The following ROBO2 variants were observed in gnomAD, a reference collection of about 807,000 sequenced individuals.
ROBO2 encodes the protein roundabout homolog 2.
A neutral mutation model predicts 160.8 loss-of-function variants in ROBO2; 53 were observed. That is an observed-to-expected ratio of 0.33 (90% confidence interval 0.26 to 0.41). The LOEUF is 0.41. Ranked by LOEUF, ROBO2 falls within the 10% of genes least tolerant of loss-of-function variation. The probability of loss-of-function intolerance (pLI) is 1.00; values close to 1 mark genes in which losing one functional copy is unlikely to be tolerated. For synonymous variants in ROBO2, 664 were observed against 611.7 expected (o/e 1.09, Z -1.26); for missense variants, 1,577 against 1,722.4 (o/e 0.92, Z 1.49).
At chr3:76,906,543 A>G (rs746623758) in intron 2 of ROBO2, among the ~76,000 whole-genome samples, 11 of 151,236 alleles carry the variant, frequency 7.3e-5, no homozygotes, top group Non-Finnish European at 1.6e-4. Context: ...CATAGTATGT[A>G]ATATATATAT....
intron 2 of ROBO2, among the ~76,000 whole-genome samples, chr3:75,958,814 A>G (rs1948807453): frequency 6.6e-6 from 1 of 151,806 alleles, no homozygotes; most frequent in African/African-American, 2.4e-5. Flanking sequence ...ACAAAGATAA[A>G]AAAAGCAGTG....
chr3:77,188,949 T>TTGTGTGTGTGTGTG (rs369545817), intron 2 of ROBO2, among the ~76,000 whole-genome samples: 2,005 of 142,918 alleles, frequency 0.014, 16 homozygotes, highest in Non-Finnish European at 0.017. Context: ...TTTTGTAATC[T>TTGTGTGTGTGTGTG]TGTGTGTGTG....
chr3:76,975,276 G>C (rs868338164), intron 2 of ROBO2, among the ~76,000 whole-genome samples: 1 of 152,130 alleles, frequency 6.6e-6, no homozygotes, highest in East Asian at 1.9e-4. Context: ...AGGCTGAGGC[G>C]GGCAGATTAC....
chr3:77,501,237 T>C (rs1176783548), intron 5 of ROBO2, among the ~76,000 whole-genome samples: 2 of 151,964 alleles, frequency 1.3e-5, no homozygotes, highest in Admixed American at 1.3e-4. Context: ...ATCACACAAG[T>C]GGATGGAGAT....
intron 2 of ROBO2, among the ~76,000 whole-genome samples, chr3:76,092,247 G>A (rs899049580): frequency 6.6e-6 from 1 of 152,062 alleles, no homozygotes; most frequent in Non-Finnish European, 1.5e-5. Context: ...AAAAAGTCAA[G>A]TTTATTAATT....
exon 26 of ROBO2, chr3:77,646,068 GACAT>G (rs774352722): frequency 2.3e-4 from 358 of 1,591,088 alleles, no homozygotes; most frequent in Non-Finnish European, 2.9e-4. Flanking sequence ...AATGAGAGGA[GACAT>G]ACAAAGCTGC....
intron 2 of ROBO2, among the ~76,000 whole-genome samples, chr3:76,850,535 A>G (rs1437488979): frequency 1.1e-4 from 16 of 152,124 alleles, no homozygotes. Flanking sequence ...TGAAGTATGC[A>G]TTTCAAACTG....
At chr3:76,104,693 C>T (rs1011291133) in intron 2 of ROBO2, among the ~76,000 whole-genome samples, 1 of 152,240 alleles carries the variant, frequency 6.6e-6, no homozygotes, top group Admixed American at 6.5e-5. Context: ...TCAGTGAAAT[C>T]TTTATGAGAG....
rs541076425 is a variant in ROBO2, at chr3:77,632,082, T to C, written c.3761-2788T>C. On this transcript the variant is annotated intron_variant, in intron 23 of 25. Transcript: ENST00000461745. ...AGTCTGCGTTAAATTCAAAATATAT[T>C]CACACTATTTCTTCAACTGAGTCTT... The C allele has an allele frequency of 5.8e-5, 9 of 154,150 alleles. No individual in the cohort carries two copies. In the Admixed American group the frequency reaches 5.9e-4, roughly 10 times the overall value. The allele number at this position is 154,150 out of a possible 1,614,324, so 9.5% of individuals were successfully genotyped here. A position where few individuals can be genotyped will look rare whatever the true frequency, so the allele number is the denominator to read the frequency against.
intron 2 of ROBO2, among the ~76,000 whole-genome samples, chr3:76,360,697 G>T (rs2075460892): frequency 1.3e-5 from 2 of 152,050 alleles, no homozygotes; most frequent in African/African-American, 4.8e-5. Flanking sequence ...ATATGATCTA[G>T]TTCTGGTCAA....
chr3:77,003,166 C>G, intron 2 of ROBO2, among the ~76,000 whole-genome samples: 1 of 152,070 alleles, frequency 6.6e-6, no homozygotes, highest in Non-Finnish European at 1.5e-5. Context: ...GTTCCTTAAA[C>G]TACTTGGAAG....
intron 2 of ROBO2, among the ~76,000 whole-genome samples, chr3:76,380,976 C>T (rs1243943698): frequency 2.0e-5 from 3 of 149,286 alleles, no homozygotes; most frequent in Non-Finnish European, 4.4e-5. Flanking sequence ...ATAAGAACTA[C>T]TGTAACACAA....
At chr3:76,136,891 A>G (rs994328741) in intron 2 of ROBO2, among the ~76,000 whole-genome samples, 4 of 152,092 alleles carry the variant, frequency 2.6e-5, no homozygotes, top group Non-Finnish European at 4.4e-5. Flanking sequence ...AGTCAGTTTC[A>G]TAAGAGCTTC....
chr3:77,331,160 G>A lies in ROBO2; in HGVS notation c.389-146254G>A, dbSNP rs562616472. Among the ~76,000 whole-genome samples the A allele has an allele frequency of 2.4e-4, 36 of 152,288 alleles. No homozygotes were observed. The East Asian group carries it at 6.8e-3, about 29-fold the overall frequency. Reference sequence around the variant, plus strand: ...GGTATGACAGAAGAATATTAAGCCCGTTAATACGGTAATTACAGTGTTTCT... The same window carrying A: ...GGTATGACAGAAGAATATTAAGCCCATTAATACGGTAATTACAGTGTTTCT... On this transcript the variant is annotated intron_variant, in intron 2 of 25. Coordinates refer to ENST00000461745, the Ensembl canonical transcript of ROBO2.
chr3:77,343,057 GGAGAGAGAGAGA>G (rs766199289), intron 2 of ROBO2, among the ~76,000 whole-genome samples: 1 of 63,666 alleles, frequency 1.6e-5, no homozygotes, highest in Non-Finnish European at 4.0e-5. Context: ...ATAGGTAGAT[GGAGAGAGAGAGA>G]GAGAGAGAGA....
intron 2 of ROBO2, among the ~76,000 whole-genome samples, chr3:76,079,565 C>T (rs1454796067): frequency 6.7e-6 from 1 of 149,418 alleles, no homozygotes; most frequent in Non-Finnish European, 1.5e-5. Flanking sequence ...CTCACTGCAA[C>T]CTCCGCCTCC....
chr3:77,357,243 G>C (rs2153463595), intron 2 of ROBO2, among the ~76,000 whole-genome samples: 1 of 152,232 alleles, frequency 6.6e-6, no homozygotes, highest in Admixed American at 6.5e-5. Flanking sequence ...ACCTTTATGA[G>C]ATGCTTCTCA....
intron 24 of ROBO2, among the ~76,000 whole-genome samples, chr3:77,638,377 C>A (rs2095298244): frequency 6.6e-6 from 1 of 152,150 alleles, no homozygotes; most frequent in African/African-American, 2.4e-5. Context: ...GGGATACCAT[C>A]ATTTCTGGAT....
intron 2 of ROBO2, among the ~76,000 whole-genome samples, chr3:76,145,586 C>T (rs907737514): frequency 2.0e-5 from 3 of 151,836 alleles, no homozygotes; most frequent in Non-Finnish European, 4.4e-5. Context: ...ACATTTTATA[C>T]ATTAAACAAG....
Sources: allele counts gnomAD v4.1 joint callset (sites outside exome capture counted in the v4.1 genomes callset), GRCh38; gene constraint gnomAD v4.1.1; transcripts MANE v1.5; gene names NCBI Gene and HGNC (gene_info 2026-07-23, HGNC 2026-07-21).